Variants in RALYL observed in about 807,000 individuals in gnomAD.
The protein encoded by RALYL is RNA-binding Raly-like protein.
In RALYL, 29 loss-of-function variants were observed where a neutral mutation model predicts 35.1. The ratio of observed to expected loss-of-function variants is 0.83; its 90% confidence interval spans 0.61 to 1.13. The LOEUF is 1.13. RALYL is among the 50% of genes most tolerant of loss of function. The pLI, the probability that RALYL is intolerant of heterozygous loss-of-function variation, is 0.00. For missense variants in RALYL, 359 were observed against 360.4 expected, an observed-to-expected ratio of 1.00 and a Z score of 0.03; for synonymous variants, 120 against 127.6, an observed-to-expected ratio of 0.94 and a Z score of 0.40.
At chr8:84,818,035 T>C (rs1037852754) in intron 4 of RALYL, among the ~76,000 whole-genome samples, 1 of 152,184 alleles carries the variant, frequency 6.6e-6, no homozygotes, top group Admixed American at 6.5e-5. Flanking sequence ...CTGAATATTT[T>C]AGAAGTGTTA....
chr8:84,585,208 T>C (rs1330861198), intron 2 of RALYL, among the ~76,000 whole-genome samples: 1 of 152,210 alleles, frequency 6.6e-6, no homozygotes, highest in Non-Finnish European at 1.5e-5. Flanking sequence ...TTGATCTATA[T>C]GCCATGATGT....
chr8:84,839,688 C>T (rs1832785790), intron 4 of RALYL, among the ~76,000 whole-genome samples: 2 of 152,218 alleles, frequency 1.3e-5, no homozygotes, highest in African/African-American at 4.8e-5. Flanking sequence ...GGTCCCTGAC[C>T]CCCAAGTAGC....
intron 8 of RALYL, among the ~76,000 whole-genome samples, chr8:84,913,116 C>T (rs1230875810): frequency 6.7e-6 from 1 of 149,796 alleles, no homozygotes; most frequent in Non-Finnish European, 1.5e-5. Context: ...TAACACCACA[C>T]CTTGTTTGCT....
intron 2 of RALYL, among the ~76,000 whole-genome samples, chr8:84,544,630 C>G (rs1277953766): frequency 1.3e-5 from 2 of 151,960 alleles, no homozygotes; most frequent in East Asian, 3.9e-4. Context: ...TGAGTATGCT[C>G]TTTCATATTT....
chr8:84,496,202 A>T (rs898161650), intron 1 of RALYL, among the ~76,000 whole-genome samples: 5 of 152,164 alleles, frequency 3.3e-5, no homozygotes, highest in Admixed American at 3.3e-4. Flanking sequence ...TATTCAGTTT[A>T]TTGTTTTTCT....
chr8:84,596,033 A>G (rs1260280635), intron 2 of RALYL, among the ~76,000 whole-genome samples: 2 of 152,144 alleles, frequency 1.3e-5, no homozygotes, highest in Non-Finnish European at 2.9e-5. Flanking sequence ...AGATTTGCTC[A>G]GCTAAGAATT....
At chr8:84,497,323 C>T (rs574397596) in intron 1 of RALYL, among the ~76,000 whole-genome samples, 102 of 152,124 alleles carry the variant, frequency 6.7e-4, no homozygotes, top group Non-Finnish European at 1.2e-3. Flanking sequence ...CAAAGTGTGA[C>T]TTGTACCTTT....
intron 3 of RALYL, among the ~76,000 whole-genome samples, chr8:84,781,481 T>A (rs992099196): frequency 1.3e-5 from 2 of 152,230 alleles, no homozygotes; most frequent in Non-Finnish European, 2.9e-5. Context: ...TAATATCTTC[T>A]GGCATATAGA....
intron 2 of RALYL, among the ~76,000 whole-genome samples, chr8:84,641,493 A>G (rs1826316777): frequency 6.6e-6 from 1 of 151,828 alleles, no homozygotes; most frequent in Non-Finnish European, 1.5e-5. Context: ...CTTATTATTT[A>G]ATTCAAAATA....
chr8:84,317,561 G>T (rs1030339159), intron 1 of RALYL, among the ~76,000 whole-genome samples: 1 of 152,130 alleles, frequency 6.6e-6, no homozygotes, highest in Non-Finnish European at 1.5e-5. Context: ...CAGAATTGCC[G>T]CATACCACTG....
chr8:84,195,624 C>G (rs984832428), intron 1 of RALYL, among the ~76,000 whole-genome samples: 9 of 152,262 alleles, frequency 5.9e-5, no homozygotes, highest in African/African-American at 2.2e-4. Context: ...AACAAACTAG[C>G]ATGCAATTTC....
intron 2 of RALYL, among the ~76,000 whole-genome samples, chr8:84,597,019 A>G (rs1814715169): frequency 1.3e-5 from 2 of 152,156 alleles, no homozygotes; most frequent in Admixed American, 6.6e-5. Flanking sequence ...CAGATTCAAC[A>G]GAATATATGC....
intron 1 of RALYL, among the ~76,000 whole-genome samples, chr8:84,199,826 G>C (rs915304695): frequency 6.6e-6 from 1 of 152,136 alleles, no homozygotes; most frequent in Admixed American, 6.5e-5. Context: ...ATTTATTTCT[G>C]AGTTCTCTAT....
chr8:84,498,223 TAA>T (rs945787311), intron 1 of RALYL, among the ~76,000 whole-genome samples: 8 of 152,192 alleles, frequency 5.3e-5, no homozygotes, highest in African/African-American at 1.7e-4. Context: ...TTGAAATTTA[TAA>T]AAGAGTTTTG....
intron 2 of RALYL, among the ~76,000 whole-genome samples, chr8:84,572,005 C>G (rs1427035024): frequency 6.6e-6 from 1 of 151,648 alleles, no homozygotes; most frequent in Non-Finnish European, 1.5e-5. Context: ...GTTTTTGAGA[C>G]TTGTTTTATG....
At chr8:84,597,219 G>C (rs976237978) in intron 2 of RALYL, among the ~76,000 whole-genome samples, 7 of 152,082 alleles carry the variant, frequency 4.6e-5, no homozygotes, top group African/African-American at 1.7e-4. Flanking sequence ...GTGGCGCTTA[G>C]TTTCCTCAAA....
intron 2 of RALYL, among the ~76,000 whole-genome samples, chr8:84,767,081 A>G (rs1307650838): frequency 6.6e-6 from 1 of 152,188 alleles, no homozygotes; most frequent in African/African-American, 2.4e-5. Context: ...AGTCAAAAGC[A>G]TGAAATAATA....
chr8:84,805,246 T>G (rs73299244), intron 4 of RALYL, among the ~76,000 whole-genome samples: 4,920 of 152,264 alleles, frequency 0.032, 253 homozygotes, highest in African/African-American at 0.11. Flanking sequence ...TTTCTCCTTA[T>G]CTCTCATTTC....
At chr8:84,706,850 A>G (rs943168206) in intron 2 of RALYL, among the ~76,000 whole-genome samples, 1 of 152,130 alleles carries the variant, frequency 6.6e-6, no homozygotes, top group Non-Finnish European at 1.5e-5. Context: ...ACTCTTTATC[A>G]CTTTATCTTT....
Sources: allele counts gnomAD v4.1 joint callset (sites outside exome capture counted in the v4.1 genomes callset), GRCh38; gene constraint gnomAD v4.1.1; transcripts MANE v1.5; gene names NCBI Gene and HGNC (gene_info 2026-07-23, HGNC 2026-07-21).